ANOS1: variants seen among roughly 807,000 people sequenced by gnomAD.
ANOS1 encodes the protein anosmin-1.
In ANOS1, 6 loss-of-function variants were observed where a neutral mutation model predicts 59.0. The ratio of observed to expected loss-of-function variants is 0.10; its 90% CI spans 0.06 to 0.20. ANOS1 has a LOEUF of 0.20. ANOS1 is among the 10% of genes least tolerant of loss of function. ANOS1 has a pLI of 1.00. For synonymous variants in ANOS1, 217 were observed against 223.4 expected (o/e 0.97, Z 0.25); for missense variants, 433 against 542.3 (o/e 0.80, Z 2.00).
chrX:8,691,841 C>T (rs946106487), intron 2 of ANOS1, among the ~76,000 whole-genome samples: 6 of 112,063 alleles, frequency 5.4e-5, no homozygotes, highest in African/African-American at 1.6e-4. Context: ...CACATTTTAA[C>T]ACTGGATTTT....
At position 8,529,590 on chromosome X, in the gene ANOS1, A is replaced by G. The variant is rs888951772; in HGVS notation, c.*3405T>C. ...ACACGAGTCAAAATTCCGTCTTTTA[A>G]TCAAGTTGTTTAGTGGACATAAAAA... On this transcript the variant is annotated 3_prime_UTR_variant, in exon 14 of 14. Coordinates refer to ENST00000262648, the MANE Select transcript of ANOS1 (RefSeq NM_000216.4). 1.8e-5 allele frequency: 2 copies of G among 112,194 alleles called. No individual in the cohort carries two copies. Among genetic ancestry groups the G allele is most frequent in the African/African-American group, 3.2e-5 (1 of 30,872 alleles). The allele number at this position is 112,194 out of a possible 1,213,427, so 9.2% of individuals were successfully genotyped here.
At chrX:8,614,261 A>G (rs1203349718) in intron 3 of ANOS1, among the ~76,000 whole-genome samples, 1 of 112,109 alleles carries the variant, frequency 8.9e-6, no homozygotes, top group Non-Finnish European at 1.9e-5. Flanking sequence ...TTCCAAGGTA[A>G]AACACAAAAA....
chrX:8,630,488 A>G (rs1436076217), intron 2 of ANOS1, among the ~76,000 whole-genome samples: 1 of 112,068 alleles, frequency 8.9e-6, no homozygotes, highest in Admixed American at 9.5e-5. Flanking sequence ...GAAAAAAAGG[A>G]TATGTATTTT....
chrX:8,708,195 G>T (rs1227122828), intron 1 of ANOS1, among the ~76,000 whole-genome samples: 1 of 112,218 alleles, frequency 8.9e-6, no homozygotes, highest in East Asian at 2.8e-4. Flanking sequence ...CTGCATTGCA[G>T]CCTGGGTGGC....
At chrX:8,608,520 T>A (rs1364566541) in intron 3 of ANOS1, among the ~76,000 whole-genome samples, 1 of 112,055 alleles carries the variant, frequency 8.9e-6, no homozygotes, top group African/African-American at 3.2e-5. Context: ...ATATTTTACC[T>A]CTTAGAGATC....
intron 2 of ANOS1, among the ~76,000 whole-genome samples, chrX:8,688,621 T>C (rs1295810621): frequency 1.8e-5 from 2 of 112,488 alleles, no homozygotes; most frequent in Non-Finnish European, 3.8e-5. Context: ...TCCGCATGTT[T>C]TTCCTTTGAA....
At chrX:8,689,482 G>C (rs926380057) in intron 2 of ANOS1, among the ~76,000 whole-genome samples, 2 of 110,032 alleles carry the variant, frequency 1.8e-5, no homozygotes, top group Non-Finnish European at 3.8e-5. Context: ...CAAGTGGCTT[G>C]AGCTCAGGAG....
intron 6 of ANOS1, among the ~76,000 whole-genome samples, chrX:8,581,861 G>A (rs1357285210): frequency 8.9e-6 from 1 of 112,002 alleles, no homozygotes; most frequent in Non-Finnish European, 1.9e-5. Flanking sequence ...CACCATCACT[G>A]GGTTCTAGAA....
In ANOS1 at chrX:8,574,177, G is replaced by C. The variant is rs541743905; in HGVS notation, c.857-3473C>G. Among the ~76,000 whole-genome samples the C allele has an allele frequency of 7.2e-4, 79 of 110,173 alleles. 2 individuals are homozygous for C. In the South Asian group the frequency reaches 0.015, roughly 21 times the overall value. ...GCTGTTTCTTGGAGAGGAAAACCGCGATGCTACTGAGGCTTTTCCTCTCCC... is the reference window on the plus strand; with the variant it reads ...GCTGTTTCTTGGAGAGGAAAACCGCCATGCTACTGAGGCTTTTCCTCTCCC... On this transcript the variant is annotated intron_variant, in intron 6 of 13. Transcript: ENST00000262648.
intron 2 of ANOS1, among the ~76,000 whole-genome samples, chrX:8,633,172 CACAA>C (rs922106729): frequency 9.0e-6 from 1 of 111,555 alleles, no homozygotes; most frequent in African/African-American, 3.3e-5. Flanking sequence ...CTAGCACAAC[CACAA>C]CAGCATCAGG....
intron 3 of ANOS1, among the ~76,000 whole-genome samples, chrX:8,604,296 G>A (rs1489855204): frequency 9.0e-6 from 1 of 111,172 alleles, no homozygotes; most frequent in Non-Finnish European, 1.9e-5. Flanking sequence ...CTTCTGACCC[G>A]TTTCTTCAGC....
At chrX:8,716,301 G>T (rs1189036669) in intron 1 of ANOS1, among the ~76,000 whole-genome samples, 1 of 111,821 alleles carries the variant, frequency 8.9e-6, no homozygotes, top group African/African-American at 3.3e-5. Context: ...CACAATCAGG[G>T]TTGCCAAAGA....
At chrX:8,677,694 T>C (rs934921956) in intron 2 of ANOS1, among the ~76,000 whole-genome samples, 2 of 111,900 alleles carry the variant, frequency 1.8e-5, no homozygotes, top group African/African-American at 6.5e-5. Context: ...ATTACATACA[T>C]ATATATATAT....
chrX:8,719,225 C>T (rs1195798719), intron 1 of ANOS1, among the ~76,000 whole-genome samples: 1 of 112,231 alleles, frequency 8.9e-6, no homozygotes, highest in Non-Finnish European at 1.9e-5. Context: ...CTGGTATACA[C>T]AGTATAACAA....
intron 2 of ANOS1, among the ~76,000 whole-genome samples, chrX:8,691,420 T>A (rs1213746925): frequency 2.7e-5 from 3 of 111,597 alleles, no homozygotes; most frequent in African/African-American, 9.8e-5. Flanking sequence ...ACTCAAGAAA[T>A]AGTCATATGT....
intron 2 of ANOS1, among the ~76,000 whole-genome samples, chrX:8,647,113 C>T (rs1046677487): frequency 2.7e-5 from 3 of 109,749 alleles, no homozygotes; most frequent in Non-Finnish European, 3.8e-5. Flanking sequence ...TCAGCCTCCA[C>T]GCTACTGACA....
intron 2 of ANOS1, among the ~76,000 whole-genome samples, chrX:8,625,072 G>A (rs2146847914): frequency 9.0e-6 from 1 of 110,591 alleles, no homozygotes; most frequent in East Asian, 2.8e-4. Context: ...TCGGGCCACT[G>A]CACTCCAGCC....
rs771951418 is a variant in ANOS1 at position 8,639,047 on chromosome X, T to C, written c.256-15377A>G. Among the ~76,000 whole-genome samples, 187 of 111,877 alleles carry C rather than the reference T, an allele frequency of 1.7e-3. 2 individuals are homozygous for C. The highest frequency in any genetic ancestry group is 0.014 in the South Asian group (36 of 2,650). On this transcript the variant is annotated intron_variant, in intron 2 of 13. Transcript: ENST00000262648. Reference sequence around the variant, plus strand: ...ACCACTGGTAAAACGAGTAATCTAATTACTTCAAAAAGACAGCACTCGAAG... The same window carrying C: ...ACCACTGGTAAAACGAGTAATCTAACTACTTCAAAAAGACAGCACTCGAAG...
At chrX:8,610,006 C>CAAAAA (rs1167209336) in intron 3 of ANOS1, among the ~76,000 whole-genome samples, 4 of 9,157 alleles carry the variant, frequency 4.4e-4, no homozygotes, top group Non-Finnish European at 8.4e-4. Context: ...GACTCCATCT[C>CAAAAA]AAAAAAAAAA....
Sources: allele counts gnomAD v4.1 joint callset (sites outside exome capture counted in the v4.1 genomes callset), GRCh38; gene constraint gnomAD v4.1.1; transcripts MANE v1.5; gene names NCBI Gene and HGNC (gene_info 2026-07-23, HGNC 2026-07-21).